CELSR1: variants seen among roughly 807,000 people sequenced by gnomAD.
CELSR1 encodes the protein adhesion G protein-coupled receptor C1.
A neutral mutation model predicts 249.1 loss-of-function variants in CELSR1; 110 were observed. The ratio of observed to expected loss-of-function variants is 0.44; its 90% CI spans 0.38 to 0.52. CELSR1 has a LOEUF of 0.52. Among genes scored for constraint, CELSR1 ranks in the 20% least tolerant of loss-of-function variants. CELSR1 has a pLI of 0.00. For synonymous variants in CELSR1, 2,113 were observed against 1,900.0 expected, an observed-to-expected ratio of 1.11 and a Z score of -2.92; for missense variants, 4,109 against 4,296.4, an observed-to-expected ratio of 0.96 and a Z score of 1.22.
In CELSR1 at chr22:46,412,399, G is replaced by A. The variant is rs1425350553; in HGVS notation, c.4612-640C>T. Among the ~76,000 whole-genome samples the A allele has an allele frequency of 1.3e-5, 2 of 152,110 alleles. No individual in the cohort carries two copies. The highest frequency in any genetic ancestry group is 2.9e-5 in the Non-Finnish European group (2 of 68,026). ...GAACACCCGCTTCTGCTCTTCTGGG[G>A]GTGTCCTCCTGACCACGGCACCTGG... On this transcript the variant is annotated intron_variant, in intron 5 of 34. Transcript: ENST00000674500. The surrounding 1 kb of genome is among the most constrained non-coding windows in gnomAD (Gnocchi z 4.5).
chr22:46,433,542 G>A lies in CELSR1; in HGVS notation c.4523-61C>T, dbSNP rs115598526. 2.2e-3 allele frequency: 2,904 copies of A among 1,348,860 alleles called. 55 individuals are homozygous for A. The African/African-American group carries it at 0.037, about 17-fold the overall frequency. 83.6% of individuals were successfully genotyped at this position (1,348,860 alleles called of 1,614,324 possible). ...GGGTTGGCGGGGCCTACTGGGGACCGAGGATTGCGCTGTGAGGCATCAGGG... is the reference window on the plus strand; with the variant it reads ...GGGTTGGCGGGGCCTACTGGGGACCAAGGATTGCGCTGTGAGGCATCAGGG... On this transcript the variant is annotated intron_variant, in intron 4 of 34. Coordinates refer to ENST00000674500, the MANE Select transcript of CELSR1 (RefSeq NM_001378328.1). The surrounding 1 kb of genome is among the most constrained non-coding windows in gnomAD (Gnocchi z 5.7).
chr22:46,419,145 G>A (rs1602108776), intron 5 of CELSR1, among the ~76,000 whole-genome samples: 1 of 152,270 alleles, frequency 6.6e-6, no homozygotes, highest in Admixed American at 6.5e-5. Context: ...TGCTCCTTTG[G>A]GGCTCAGCCA....
chr22:46,498,641 A>G (rs2080438506), intron 1 of CELSR1, among the ~76,000 whole-genome samples: 1 of 151,882 alleles, frequency 6.6e-6, no homozygotes, highest in African/African-American at 2.4e-5. Context: ...AGAAAAAACA[A>G]CACTCCGGTG....
chr22:46,512,081 G>T lies in CELSR1; in HGVS notation c.3544+21546C>A, dbSNP rs2080579529. ...CTGAAGTGCCCCGAGCCCACCCCCA[G>T]ATCCCAGCCCAGTGGCCCCCACGCT... On this transcript the variant is annotated intron_variant, in intron 1 of 34. Coordinates refer to ENST00000674500, the MANE Select transcript of CELSR1 (RefSeq NM_001378328.1). This position sits in a 1 kb window ranked among gnomAD's most constrained non-coding sequence, Gnocchi z 5.2. Among the ~76,000 whole-genome samples, 1 of 152,034 alleles carries T rather than the reference G, an allele frequency of 6.6e-6. No individual in the cohort carries two copies. The highest frequency in any genetic ancestry group is 1.5e-5 in the Non-Finnish European group (1 of 68,004).
At chr22:46,508,826 C>A (rs1302326975) in intron 1 of CELSR1, among the ~76,000 whole-genome samples, 1 of 152,198 alleles carries the variant, frequency 6.6e-6, no homozygotes, top group Non-Finnish European at 1.5e-5. Context: ...GACCCTGAGA[C>A]GTTCCCTGTG....
Position 46,434,213 on chromosome 22 carries a change from G to A in CELSR1, c.4523-732C>T, listed in dbSNP as rs113088062. Among the ~76,000 whole-genome samples, 1,254 of 152,320 alleles carry A rather than the reference G, an allele frequency of 8.2e-3. 18 individuals carry two copies. Among genetic ancestry groups the A allele is most frequent in the African/African-American group, 0.028 (1,177 of 41,556 alleles). On this transcript the variant is annotated intron_variant, in intron 4 of 34. Coordinates refer to ENST00000674500, the MANE Select transcript of CELSR1 (RefSeq NM_001378328.1). The surrounding 1 kb of genome is among the most constrained non-coding windows in gnomAD (Gnocchi z 4.9). ...GTAACACGTCCCATCGTGAGGTCGC[G>A]GACGCGTCTCTTGTGCATCTCTGCT...
chr22:46,381,976 C>T lies in CELSR1; in HGVS notation c.6958G>A (p.Glu2320Lys). ...TTRPGPGTER[E>K]APISRRRRHP... ...CGCCTCCGCCTGCTGATCGGGGCCT[C>T]CCTCTCGGTGCCAGGCCCCGGGCGC... The change falls in exon 21 of 35, where the codon GAG becomes AAG. Residue 2320 changes from glutamate to lysine, a missense_variant. This residue lies in a region of CELSR1 where 1,805 missense variants were observed against 1,831.6 expected (regional missense o/e 0.99). Coordinates refer to ENST00000674500, the MANE Select transcript of CELSR1 (RefSeq NM_001378328.1). This position sits in a 1 kb window ranked among gnomAD's most constrained non-coding sequence, Gnocchi z 6.0. 1 of 1,565,776 alleles carries T rather than the reference C, an allele frequency of 6.4e-7. No individual in the cohort carries two copies. The highest frequency in any genetic ancestry group is 8.6e-7 in the Non-Finnish European group (1 of 1,157,580).
chr22:46,390,657 G>A lies in CELSR1; in HGVS notation c.6251-171C>T, dbSNP rs1015659854. On this transcript the variant is annotated intron_variant, in intron 16 of 34. Coordinates refer to ENST00000674500, the MANE Select transcript of CELSR1 (RefSeq NM_001378328.1). The surrounding 1 kb of genome is among the most constrained non-coding windows in gnomAD (Gnocchi z 6.3). Reference sequence around the variant, plus strand: ...CGCCCCTCTTTCATGTCAGGGCCACGGCCGAAGCTGCTCTGACACTGACAA... The same window carrying A: ...CGCCCCTCTTTCATGTCAGGGCCACAGCCGAAGCTGCTCTGACACTGACAA... 1.3e-5 allele frequency among the ~76,000 whole-genome samples: 2 copies of A among 152,202 alleles called. No individual in the cohort carries two copies. The highest frequency in any genetic ancestry group is 2.9e-5 in the Non-Finnish European group (2 of 68,040).
chr22:46,414,975 G>A (rs994773457), intron 5 of CELSR1, among the ~76,000 whole-genome samples: 6 of 152,114 alleles, frequency 3.9e-5, no homozygotes, highest in Non-Finnish European at 7.3e-5. Context: ...ACAACGGTGC[G>A]GGGGTCCCGG....
In CELSR1 at chr22:46,412,609, G is replaced by A. The variant is rs780433725; in HGVS notation, c.4612-850C>T. 6.6e-6 allele frequency among the ~76,000 whole-genome samples: 1 copy of A among 152,158 alleles called. No individual in the cohort carries two copies. Among genetic ancestry groups the A allele is most frequent in the Non-Finnish European group, 1.5e-5 (1 of 68,040 alleles). ...TCCAAGAGACTGTGGTTTGCCATCC[G>A]GGGACGAGCCCACTTTCCCCAGACA... On this transcript the variant is annotated intron_variant, in intron 5 of 34. Coordinates refer to ENST00000674500, the MANE Select transcript of CELSR1 (RefSeq NM_001378328.1). This position sits in a 1 kb window ranked among gnomAD's most constrained non-coding sequence, Gnocchi z 4.5.
At chr22:46,465,797 C>T (rs982339737) in intron 1 of CELSR1, among the ~76,000 whole-genome samples, 1 of 152,224 alleles carries the variant, frequency 6.6e-6, no homozygotes, top group African/African-American at 2.4e-5. Context: ...ACAGAACCAG[C>T]ACCACCCCCA....
chr22:46,386,714 C>A, intron 18 of CELSR1, 129 bp from the exon 19 acceptor site: 1 of 700,246 alleles, frequency 1.4e-6, no homozygotes, highest in South Asian at 2.3e-5. Context: ...ACACTTTAGA[C>A]TGTGCTCTTT....
chr22:46,477,833 G>A (rs933527454), intron 1 of CELSR1, among the ~76,000 whole-genome samples: 4 of 152,034 alleles, frequency 2.6e-5, no homozygotes, highest in African/African-American at 9.7e-5. Context: ...AGAAGAAAAA[G>A]GAGGAACCCC....
Position 46,439,315 on chromosome 22 carries a change from T to C in CELSR1, c.4280A>G (p.His1427Arg), listed in dbSNP as rs755932567. 9.9e-6 allele frequency: 16 copies of C among 1,613,606 alleles called. No individual in the cohort carries two copies. The highest frequency in any genetic ancestry group is 1.3e-5 in the Non-Finnish European group (15 of 1,179,872). Residue 1427 changes from histidine (H) to arginine (R), a missense_variant, in exon 3 of 35, where the codon CAC becomes CGC. His to Arg is a conservative substitution (Grantham distance 29). This residue lies in a region of CELSR1 where 453 missense variants were observed against 492.0 expected (regional missense o/e 0.92). Coordinates refer to ENST00000674500, the MANE Select transcript of CELSR1 (RefSeq NM_001378328.1). ...TCVNLLIGGF[H>R]CVCPPGEYER... is the part of the protein sequence containing the mutation. ...ATACTCGCCAGGAGGACACACGCAGTGGAAGCCGCCGATGAGCAGGTTCAC... is the reference window on the plus strand; with the variant it reads ...ATACTCGCCAGGAGGACACACGCAGCGGAAGCCGCCGATGAGCAGGTTCAC...
chr22:46,440,487 C>G lies in CELSR1; in HGVS notation c.4184-1076G>C, dbSNP rs534298586. 3.9e-5 allele frequency among the ~76,000 whole-genome samples: 6 copies of G among 152,334 alleles called. No homozygotes were observed. In the South Asian group the frequency reaches 1.2e-3, roughly 32 times the overall value. On this transcript the variant is annotated intron_variant, in intron 2 of 34. Transcript: ENST00000674500. This position sits in a 1 kb window ranked among gnomAD's most constrained non-coding sequence, Gnocchi z 4.7. ...GTGCTGGGATTACAGGCGTGAGCCA[C>G]CGCGCCCGGCCAGTATGATCAATCT... is the stretch of plus-strand genomic sequence containing the variant.
intron 18 of CELSR1, among the ~76,000 whole-genome samples, chr22:46,388,683 T>C (rs762723330): frequency 5.3e-4 from 80 of 152,248 alleles, no homozygotes; most frequent in Non-Finnish European, 7.1e-4. Flanking sequence ...ACGAAACTTC[T>C]GGAGCCCCCG....
At chr22:46,422,183 G>A in intron 5 of CELSR1, among the ~76,000 whole-genome samples, 1 of 152,002 alleles carries the variant, frequency 6.6e-6, no homozygotes, top group East Asian at 2.0e-4. Flanking sequence ...TTGGCTCACT[G>A]CAACCTCTAC....
chr22:46,429,356 C>G lies in CELSR1; in HGVS notation c.4611+4037G>C, dbSNP rs1380429948. Among the ~76,000 whole-genome samples, 8 of 152,134 alleles carry G rather than the reference C, an allele frequency of 5.3e-5. No individual in the cohort carries two copies. The highest frequency in any genetic ancestry group is 7.4e-5 in the Non-Finnish European group (5 of 68,020). ...TTGAGGGAAAAAACAAACAAACAAA[C>G]AAACAAAAAACCAGCCTGGGGTGAA... On this transcript the variant is annotated intron_variant, in intron 5 of 34. Coordinates refer to ENST00000674500, the MANE Select transcript of CELSR1 (RefSeq NM_001378328.1). This position sits in a 1 kb window ranked among gnomAD's most constrained non-coding sequence, Gnocchi z 4.1.
Position 46,535,664 on chromosome 22 carries a change from C to T in CELSR1, c.1507G>A (p.Val503Met), listed in dbSNP as rs1482929541. ...AIHYSILSGN[V>M]AGQFYLHSLS... is the part of the protein sequence containing the mutation. ...GAGTGCAGGTAGAACTGGCCGGCCA[C>T]GTTCCCGCTGAGGATGCTGTAGTGA... Residue 503 changes from valine (V) to methionine (M), a missense_variant, in exon 1 of 35, where the codon GTG becomes ATG. Val to Met is a conservative substitution (Grantham distance 21). Around this residue, in one of 7 missense-constraint regions of CELSR1, gnomAD observed 135 missense variants for 190.0 expected, o/e 0.71. Coordinates refer to ENST00000674500, the MANE Select transcript of CELSR1 (RefSeq NM_001378328.1). 6.2e-7 allele frequency: 1 copy of T among 1,613,114 alleles called. No homozygotes were observed. Among genetic ancestry groups the T allele is most frequent in the African/African-American group, 1.3e-5 (1 of 74,930 alleles).
Sources: gnomAD v4.1 joint callset for allele counts (sites outside exome capture counted in the v4.1 genomes callset) on GRCh38, gnomAD v4.1.1 for gene constraint, gnomAD v4.1.1 regional missense constraint, Gnocchi (gnomAD v3.1) non-coding constraint, MANE v1.5 for transcripts, NCBI Gene and HGNC (gene_info 2026-07-23, HGNC 2026-07-21) for gene names.